The following TANC1 variants were observed in gnomAD, a reference collection of about 807,000 sequenced individuals.
TANC1 encodes the protein protein TANC1.
Under a neutral mutation model 149.7 loss-of-function variants are expected in TANC1, and 77 were observed. The ratio of observed to expected loss-of-function variants is 0.51; its 90% CI spans 0.43 to 0.62. TANC1 has a LOEUF of 0.62. Among genes scored for constraint, TANC1 ranks in the 20% least tolerant of loss-of-function variants. TANC1 has a pLI of 0.00. For missense variants in TANC1, 1,985 were observed against 2,321.8 expected, an observed-to-expected ratio of 0.85 and a Z score of 2.98; for synonymous variants, 854 against 925.0, an observed-to-expected ratio of 0.92 and a Z score of 1.39.
At chr2:159,025,184 C>CTTT (rs2039177914) in intron 2 of TANC1, among the ~76,000 whole-genome samples, 1 of 134,392 alleles carries the variant, frequency 7.4e-6, no homozygotes, top group African/African-American at 2.8e-5. Flanking sequence ...CTTTCTTTTT[C>CTTT]TTTCTTTTCT....
At chr2:159,200,228 G>T (rs1334169104) in intron 19 of TANC1, among the ~76,000 whole-genome samples, 2 of 152,188 alleles carry the variant, frequency 1.3e-5, no homozygotes, top group Non-Finnish European at 2.9e-5. Flanking sequence ...ACAGCCAAAA[G>T]GTCCAAACCC....
intron 2 of TANC1, among the ~76,000 whole-genome samples, chr2:159,018,535 G>A (rs187799714): frequency 1.3e-5 from 2 of 152,250 alleles, no homozygotes; most frequent in Admixed American, 6.5e-5. Flanking sequence ...TAAGTGTACG[G>A]TTCAGTGGCA....
chr2:159,153,910 G>C (rs1274305510), intron 7 of TANC1, among the ~76,000 whole-genome samples: 2 of 152,228 alleles, frequency 1.3e-5, no homozygotes, highest in African/African-American at 4.8e-5. Context: ...CATGACCCTA[G>C]TTGGGCGGAG....
chr2:159,221,954 C>G (rs2059734174), intron 22 of TANC1, among the ~76,000 whole-genome samples: 1 of 152,168 alleles, frequency 6.6e-6, no homozygotes, highest in African/African-American at 2.4e-5. Flanking sequence ...TCCAATAATT[C>G]AATACATCTA....
intron 13 of TANC1, among the ~76,000 whole-genome samples, chr2:159,177,577 G>A (rs1236540365): frequency 6.6e-6 from 1 of 152,176 alleles, no homozygotes; most frequent in Non-Finnish European, 1.5e-5. Context: ...TTGTCCATCA[G>A]TAGATCATAG....
At chr2:159,140,997 T>C (rs2051311130) in intron 5 of TANC1, among the ~76,000 whole-genome samples, 1 of 152,182 alleles carries the variant, frequency 6.6e-6, no homozygotes, top group African/African-American at 2.4e-5. Flanking sequence ...GGCCAGCAGA[T>C]GGAGATTCTG....
intron 4 of TANC1, among the ~76,000 whole-genome samples, chr2:159,104,901 T>C (rs2047007223): frequency 8.3e-6 from 1 of 120,378 alleles, no homozygotes; most frequent in Non-Finnish European, 1.9e-5. Flanking sequence ...TCCAGTTTAC[T>C]TGAAGAGTTT....
In TANC1 at chr2:159,172,158, G is replaced by T; in HGVS notation, c.1389G>T (p.Leu463Phe). The T allele has an allele frequency of 6.2e-7, 1 of 1,614,166 alleles. No individual in the cohort carries two copies. Among genetic ancestry groups the T allele is most frequent in the Non-Finnish European group, 8.5e-7 (1 of 1,180,026 alleles). Residue 463 changes from leucine (L) to phenylalanine (F), a missense_variant, in exon 11 of 27, where the codon TTG becomes TTT. This residue lies in a region of TANC1 where 557 missense variants were observed against 612.9 expected (regional missense o/e 0.91). Transcript: ENST00000263635. Reference sequence around the variant, plus strand: ...CTCAGGATCTTCATTTCACTCCGTTGCTTTCACCGAGTTCTTCCACAAGTG... The same window carrying T: ...CTCAGGATCTTCATTTCACTCCGTTTCTTTCACCGAGTTCTTCCACAAGTG... ...DPTQDLHFTP[L>F]LSPSSSTSAS...
chr2:159,227,728 G>A (rs2060101572), intron 24 of TANC1, 91 bp from the exon 25 acceptor site: 2 of 1,385,934 alleles, frequency 1.4e-6, no homozygotes, highest in Admixed American at 4.2e-5. Flanking sequence ...TTTGCAGGGG[G>A]GAGTAAACTC....
At position 159,187,042 on chromosome 2, in the gene TANC1, C is replaced by T. The variant is rs749281716; in HGVS notation, c.2742+18C>T. On this transcript the variant is annotated intron_variant, in intron 16 of 26. Coordinates refer to ENST00000263635, the MANE Select transcript of TANC1 (RefSeq NM_033394.3). ...ACGTGAAGGTGAGCAACCTTCTGCA[C>T]AGAGAGCCGGAGACCCAGCCCTGGC... 16 of 1,613,582 alleles carry T rather than the reference C, an allele frequency of 9.9e-6. No individual in the cohort carries two copies. The East Asian group carries it at 3.1e-4, about 31-fold the overall frequency.
At chr2:159,154,079 G>GC (rs1046657049) in intron 7 of TANC1, among the ~76,000 whole-genome samples, 79 of 152,300 alleles carry the variant, frequency 5.2e-4, no homozygotes, top group African/African-American at 1.8e-3. Context: ...ATATTTGTCA[G>GC]CCAGTAGAGC....
chr2:159,018,111 A>G (rs1377187655), intron 2 of TANC1, among the ~76,000 whole-genome samples: 1 of 152,156 alleles, frequency 6.6e-6, no homozygotes, highest in East Asian at 1.9e-4. Context: ...GAAGGCTTCC[A>G]TTTTTAATAC....
intron 7 of TANC1, among the ~76,000 whole-genome samples, chr2:159,152,028 C>T (rs1364330450): frequency 1.3e-5 from 2 of 152,092 alleles, no homozygotes; most frequent in African/African-American, 2.4e-5. Flanking sequence ...CCTAGTCAAC[C>T]AGTAATCTAT....
chr2:159,058,423 G>T (rs2042007038), intron 2 of TANC1, among the ~76,000 whole-genome samples: 1 of 151,320 alleles, frequency 6.6e-6, no homozygotes, highest in Non-Finnish European at 1.5e-5. Context: ...CGTTGATTTT[G>T]ATTTCCCTTC....
intron 4 of TANC1, among the ~76,000 whole-genome samples, chr2:159,122,553 C>T (rs1245545004): frequency 1.3e-5 from 2 of 152,098 alleles, no homozygotes; most frequent in Non-Finnish European, 2.9e-5. Flanking sequence ...GATACCAGTT[C>T]TTTCACCCCA....
intron 2 of TANC1, among the ~76,000 whole-genome samples, chr2:159,013,916 C>T (rs1574119437): frequency 6.6e-6 from 1 of 152,148 alleles, no homozygotes; most frequent in South Asian, 2.1e-4. Context: ...TCCTGGGCCT[C>T]GCTCCTTGAC....
At chr2:159,199,726 A>G (rs2058110522) in intron 19 of TANC1, among the ~76,000 whole-genome samples, 1 of 152,270 alleles carries the variant, frequency 6.6e-6, no homozygotes, top group South Asian at 2.1e-4. Flanking sequence ...AATAGATGTC[A>G]GCATGAGTAT....
At chr2:159,194,572 CAG>C in intron 17 of TANC1, 79 bp downstream of exon 17, 1 of 1,263,964 alleles carries the variant, frequency 7.9e-7, no homozygotes, top group Non-Finnish European at 1.1e-6. Context: ...TTTGCTGGGC[CAG>C]ACTCTCTTGT....
intron 3 of TANC1, among the ~76,000 whole-genome samples, chr2:159,092,525 T>C (rs937304264): frequency 9.2e-5 from 14 of 152,232 alleles, no homozygotes; most frequent in African/African-American, 3.1e-4. Context: ...TTTCTGCCAA[T>C]TTAAAACGCC....
Sources: allele counts gnomAD v4.1 joint callset (sites outside exome capture counted in the v4.1 genomes callset), GRCh38; gene constraint gnomAD v4.1.1; regional missense constraint gnomAD v4.1.1; transcripts MANE v1.5; gene names NCBI Gene and HGNC (gene_info 2026-07-23, HGNC 2026-07-21).